Variants in PPP2R2B observed in about 807,000 individuals in gnomAD.
PPP2R2B encodes the protein serine/threonine-protein phosphatase 2A 55 kDa regulatory subunit B beta isoform.
In PPP2R2B, 5 loss-of-function variants were observed where a neutral mutation model predicts 46.0. The ratio of observed to expected loss-of-function variants is 0.11; its 90% CI spans 0.06 to 0.23. The LOEUF (loss-of-function observed/expected upper bound fraction) is 0.23. Ranked by LOEUF, PPP2R2B falls within the 10% of genes least tolerant of loss-of-function variation. The probability of loss-of-function intolerance (pLI) is 1.00; values close to 1 mark genes in which losing one functional copy is unlikely to be tolerated. For synonymous variants in PPP2R2B, 215 were observed against 206.7 expected (o/e 1.04, Z -0.34); for missense variants, 367 against 575.0 (o/e 0.64, Z 3.70).
At chr5:147,036,237 C>T (rs993471904) in intron 1 of PPP2R2B, among the ~76,000 whole-genome samples, 6 of 152,164 alleles carry the variant, frequency 3.9e-5, no homozygotes, top group African/African-American at 1.4e-4. Flanking sequence ...CATCATTGAG[C>T]TCCCACTTAT....
chr5:146,877,913 C>A (rs1761993673), intron 2 of PPP2R2B, 89 bp downstream of exon 2: 2 of 1,464,822 alleles, frequency 1.4e-6, no homozygotes, highest in African/African-American at 2.8e-5. Flanking sequence ...GAGGAGTCTC[C>A]GCCACTACGC....
At chr5:147,056,595 A>T (rs1381723245), upstream of PPP2R2B, among the ~76,000 whole-genome samples, 1 of 152,210 alleles carries the variant, frequency 6.6e-6, no homozygotes, top group African/African-American at 2.4e-5. Flanking sequence ...TGATGGCATT[A>T]AAAAACATGG....
At chr5:147,040,335 T>C (rs1434481457) in intron 1 of PPP2R2B, among the ~76,000 whole-genome samples, 1 of 152,132 alleles carries the variant, frequency 6.6e-6, no homozygotes, top group Non-Finnish European at 1.5e-5. Context: ...ACCTATAGGA[T>C]CACTTCCATT....
intron 5 of PPP2R2B, among the ~76,000 whole-genome samples, chr5:146,687,093 G>GAA (rs1215769751): frequency 6.6e-6 from 1 of 151,356 alleles, no homozygotes; most frequent in Non-Finnish European, 1.5e-5. Flanking sequence ...AGAGGGAGAG[G>GAA]AAGAGAGGGA....
chr5:146,712,604 T>C (rs1281825303), intron 2 of PPP2R2B, among the ~76,000 whole-genome samples: 1 of 152,218 alleles, frequency 6.6e-6, no homozygotes, highest in East Asian at 1.9e-4. Context: ...AAAGATTTAA[T>C]GTTAATAGGA....
chr5:147,034,153 C>T (rs1561589731), intron 1 of PPP2R2B, among the ~76,000 whole-genome samples: 3 of 152,102 alleles, frequency 2.0e-5, no homozygotes, highest in African/African-American at 4.8e-5. Context: ...CTCATTATTG[C>T]TTAAGGTCCC....
chr5:146,773,416 T>C (rs1358882508), intron 2 of PPP2R2B, among the ~76,000 whole-genome samples: 1 of 152,254 alleles, frequency 6.6e-6, no homozygotes, highest in African/African-American at 2.4e-5. Context: ...TCTTTCAGAC[T>C]GTGGTTTATT....
Position 146,964,515 on chromosome 5 carries a change from G to A in PPP2R2B, c.79+91150C>T, listed in dbSNP as rs187918277. On this transcript the variant is annotated intron_variant, in intron 1 of 8. Coordinates refer to the PPP2R2B transcript ENST00000336640. Reference sequence around the variant, plus strand: ...CTTCTGGTTTAAGTTCTCAGCTCCTGTATTTATTTTTATTTTTATTTTTAT... The same window carrying A: ...CTTCTGGTTTAAGTTCTCAGCTCCTATATTTATTTTTATTTTTATTTTTAT... 6.2e-4 allele frequency among the ~76,000 whole-genome samples: 94 copies of A among 152,022 alleles called. 1 individual carries two copies. The East Asian group carries it at 0.018, about 28-fold the overall frequency.
chr5:146,627,477 G>A (rs1009217661), intron 7 of PPP2R2B, among the ~76,000 whole-genome samples: 1 of 152,186 alleles, frequency 6.6e-6, no homozygotes, highest in Admixed American at 6.5e-5. Context: ...TGGATTTTAT[G>A]TTCTGTGTAA....
intron 1 of PPP2R2B, among the ~76,000 whole-genome samples, chr5:147,007,965 A>G (rs188823919): frequency 6.6e-6 from 1 of 152,214 alleles, no homozygotes. Context: ...CGGACACAAT[A>G]GTCCATAAGG....
intron 1 of PPP2R2B, among the ~76,000 whole-genome samples, chr5:146,991,136 G>T (rs747175431): frequency 6.6e-6 from 1 of 152,086 alleles, no homozygotes; most frequent in African/African-American, 2.4e-5. Context: ...ATGTAAATTA[G>T]TATAGCCATT....
At chr5:146,604,761 C>CAGTA (rs1581695363) in intron 7 of PPP2R2B, among the ~76,000 whole-genome samples, 1 of 152,346 alleles carries the variant, frequency 6.6e-6, no homozygotes, top group East Asian at 1.9e-4. Flanking sequence ...AGGAAAGGTT[C>CAGTA]AGTAAGTCAC....
At chr5:146,821,242 C>T (rs1451273562) in intron 2 of PPP2R2B, among the ~76,000 whole-genome samples, 1 of 152,186 alleles carries the variant, frequency 6.6e-6, no homozygotes, top group East Asian at 1.9e-4. Context: ...TCCTCAAATA[C>T]ATCAACCCAC....
intron 1 of PPP2R2B, among the ~76,000 whole-genome samples, chr5:146,974,982 C>T (rs1000908081): frequency 3.9e-5 from 6 of 152,200 alleles, no homozygotes; most frequent in African/African-American, 1.4e-4. Flanking sequence ...AACCACCGTG[C>T]CCCGCCTATT....
chr5:146,814,644 G>A (rs373971324), intron 2 of PPP2R2B, among the ~76,000 whole-genome samples: 65 of 152,286 alleles, frequency 4.3e-4, no homozygotes, highest in African/African-American at 1.5e-3. Flanking sequence ...CTGGAACACT[G>A]GATTGGTAAG....
chr5:147,075,098 G>C (rs1411024041), intron 2 of PPP2R2B, among the ~76,000 whole-genome samples: 1 of 152,084 alleles, frequency 6.6e-6, no homozygotes, highest in East Asian at 1.9e-4. Flanking sequence ...TTTTTCCCTT[G>C]TACAAAATCA....
At chr5:146,793,614 C>CT (rs1387700943) in intron 2 of PPP2R2B, among the ~76,000 whole-genome samples, 1 of 152,126 alleles carries the variant, frequency 6.6e-6, no homozygotes, top group African/African-American at 2.4e-5. Context: ...ATATGCTCAC[C>CT]TGTGTATAAA....
At chr5:147,025,471 A>G (rs1755485684) in intron 1 of PPP2R2B, among the ~76,000 whole-genome samples, 1 of 152,014 alleles carries the variant, frequency 6.6e-6, no homozygotes, top group Non-Finnish European at 1.5e-5. Context: ...AATAAAAAAA[A>G]AACCCCGAAA....
intron 2 of PPP2R2B, among the ~76,000 whole-genome samples, chr5:146,731,956 G>A (rs951685915): frequency 1.2e-4 from 19 of 152,098 alleles, no homozygotes; most frequent in Admixed American, 3.3e-4. Flanking sequence ...AAGTTAGAGC[G>A]TAAATATCTC....
Sources: allele counts gnomAD v4.1 joint callset (sites outside exome capture counted in the v4.1 genomes callset), GRCh38; gene constraint gnomAD v4.1.1; transcripts MANE v1.5; gene names NCBI Gene and HGNC (gene_info 2026-07-23, HGNC 2026-07-21).